FRMD3: variants seen among roughly 807,000 people sequenced by gnomAD.
The protein encoded by FRMD3 is FERM domain-containing protein 3.
Under a neutral mutation model 70.2 loss-of-function variants are expected in FRMD3, and 33 were observed. That is an observed-to-expected ratio of 0.47 (90% CI 0.36 to 0.63). The LOEUF (loss-of-function observed/expected upper bound fraction) is 0.63, where lower values mean the gene tolerates loss of function less well. Ranked by LOEUF, FRMD3 falls within the 20% of genes least tolerant of loss-of-function variation. The pLI is 0.00. For missense variants in FRMD3, 632 were observed against 711.4 expected (o/e 0.89, Z 1.27); for synonymous variants, 279 against 255.9 (o/e 1.09, Z -0.86).
At chr9:83,421,678 C>A (rs1826648575) in intron 1 of FRMD3, among the ~76,000 whole-genome samples, 1 of 152,194 alleles carries the variant, frequency 6.6e-6, no homozygotes, top group Non-Finnish European at 1.5e-5. Flanking sequence ...GGTAAACATT[C>A]TTGCCCTCTC....
Position 83,263,075 on chromosome 9 carries a change from A to T in FRMD3, c.1196-14559T>A, listed in dbSNP as rs996061557. Among the ~76,000 whole-genome samples the T allele has an allele frequency of 2.6e-5, 4 of 152,218 alleles. No individual in the cohort carries two copies. The East Asian group carries it at 7.7e-4, about 29-fold the overall frequency. ...CATCCTGGAATGGTACAGACTCCTT[A>T]TCTGTTGACATTGTTGTAACTGAAA... On this transcript the variant is annotated intron_variant, in intron 13 of 13. Transcript: ENST00000304195.
In FRMD3 at chr9:83,297,268, A is replaced by C. The variant is rs199655572; in HGVS notation, c.1070+1480T>G. ...ATCAAATATTTGAGCTTCAACCTGG[A>C]AGAATAAAATGCATGCTGAACCACT... On this transcript the variant is annotated intron_variant, in intron 12 of 13. Transcript: ENST00000304195. 3.9e-5 allele frequency among the ~76,000 whole-genome samples: 6 copies of C among 152,296 alleles called. No individual in the cohort carries two copies. In the East Asian group the frequency reaches 1.2e-3, roughly 29 times the overall value.
chr9:83,416,767 C>G (rs899337929), intron 1 of FRMD3, among the ~76,000 whole-genome samples: 136 of 121,150 alleles, frequency 1.1e-3, no homozygotes, highest in African/African-American at 4.5e-3. Context: ...CTCTCTCTCT[C>G]TCTCTCTCTC....
chr9:83,475,182 G>A (rs7863851), intron 1 of FRMD3, among the ~76,000 whole-genome samples: 3 of 152,064 alleles, frequency 2.0e-5, no homozygotes, highest in African/African-American at 7.2e-5. Flanking sequence ...AGATTCACAG[G>A]TGATCTAGAT....
intron 12 of FRMD3, among the ~76,000 whole-genome samples, chr9:83,293,691 G>A (rs1300419418): frequency 6.6e-6 from 1 of 152,194 alleles, no homozygotes; most frequent in Non-Finnish European, 1.5e-5. Context: ...AGATGGCCAG[G>A]AGGATGCCAG....
At chr9:83,319,190 TTTAA>T (rs1365176796) in intron 6 of FRMD3, among the ~76,000 whole-genome samples, 2 of 152,200 alleles carry the variant, frequency 1.3e-5, no homozygotes, top group South Asian at 2.1e-4. Context: ...TGCATTTTAG[TTTAA>T]TTAAGTCCCA....
At chr9:83,480,423 T>C (rs1828539907) in intron 1 of FRMD3, among the ~76,000 whole-genome samples, 2 of 151,596 alleles carry the variant, frequency 1.3e-5, no homozygotes, top group South Asian at 2.1e-4. Flanking sequence ...TAAAAATATA[T>C]AAATAAAAAA....
chr9:83,376,665 G>T (rs919021839), intron 2 of FRMD3, among the ~76,000 whole-genome samples: 2 of 145,022 alleles, frequency 1.4e-5, no homozygotes, highest in Admixed American at 7.1e-5. Flanking sequence ...TGTCTCAAAA[G>T]CCTGGGCTCA....
intron 13 of FRMD3, among the ~76,000 whole-genome samples, chr9:83,264,947 G>A (rs1422575521): frequency 2.0e-5 from 3 of 151,962 alleles, no homozygotes; most frequent in Admixed American, 1.3e-4. Flanking sequence ...GTTATTATCA[G>A]CAATTTCATA....
At position 83,248,176 on chromosome 9, in the gene FRMD3, A is replaced by G. The variant is rs10114696; in HGVS notation, c.1536T>C (p.Tyr512=). The change falls in exon 14 of 14, where the codon TAT becomes TAC. Residue 512 remains tyrosine, a synonymous_variant. Transcript: ENST00000304195. ...KEARRALSWS[Y]DILTGHIRVN... The stretch of plus-strand genomic sequence containing the variant: ...CCCGAATATGGCCAGTCAGAATGTC[A>G]TAGCTCCACGACAAAGCACGGCGAG... 620,178 of 1,614,012 alleles carry G rather than the reference A, an allele frequency of 0.38. 122,754 individuals carry two copies. Among genetic ancestry groups the G allele is most frequent in the Middle Eastern group, 0.44 (2,694 of 6,062 alleles).
chr9:83,389,597 C>A lies in FRMD3; in HGVS notation c.252+7G>T. 6.3e-7 allele frequency: 1 copy of A among 1,597,344 alleles called. No homozygotes were observed. Among genetic ancestry groups the A allele is most frequent in the Non-Finnish European group, 8.6e-7 (1 of 1,164,782 alleles). ...GAAAATGGCTCCAGATAGAAATCAG[C>A]TCTTACCCTTTGCTTCTCTGGGTCC... is the stretch of plus-strand genomic sequence containing the variant. On this transcript the variant is annotated splice_region_variant and intron_variant, in intron 2 of 13. Transcript: ENST00000304195.
chr9:83,436,342 GACAGGCTTT>G (rs1432518054), intron 1 of FRMD3, among the ~76,000 whole-genome samples: 2 of 151,994 alleles, frequency 1.3e-5, no homozygotes, highest in African/African-American at 4.8e-5. Context: ...CTGTCTGCAC[GACAGGCTTT>G]ACAAAGGGCT....
chr9:83,466,667 G>A (rs1458026505), intron 1 of FRMD3, among the ~76,000 whole-genome samples: 2 of 152,154 alleles, frequency 1.3e-5, no homozygotes, highest in Non-Finnish European at 2.9e-5. Context: ...CAAATAATGA[G>A]AGCTGGAAAC....
At chr9:83,551,238 T>C in the FRMD3 span, among the ~76,000 whole-genome samples, 1 of 152,188 alleles carries the variant, frequency 6.6e-6, no homozygotes, top group African/African-American at 2.4e-5. Flanking sequence ...GATAATCATA[T>C]GGTTTTTGCT....
At chr9:83,422,699 C>T (rs1046725677) in intron 1 of FRMD3, among the ~76,000 whole-genome samples, 10 of 152,104 alleles carry the variant, frequency 6.6e-5, no homozygotes, top group Admixed American at 2.0e-4. Context: ...GTGACTCCAG[C>T]CAGAACAGAT....
At chr9:83,567,807 T>C in the FRMD3 span, among the ~76,000 whole-genome samples, 1 of 152,210 alleles carries the variant, frequency 6.6e-6, no homozygotes, top group Non-Finnish European at 1.5e-5. Context: ...TTCATATCAC[T>C]ATCAGCATTT....
chr9:83,281,902 A>G (rs900834488), intron 13 of FRMD3, among the ~76,000 whole-genome samples: 1 of 152,192 alleles, frequency 6.6e-6, no homozygotes, highest in African/African-American at 2.4e-5. Context: ...TGTCCCGTAT[A>G]CACACGAGCT....
chr9:83,395,037 A>G (rs1424398495), intron 1 of FRMD3, among the ~76,000 whole-genome samples: 2 of 152,216 alleles, frequency 1.3e-5, no homozygotes, highest in East Asian at 3.8e-4. Context: ...AGGGATTATA[A>G]ATAAGCAAAG....
Position 83,516,403 on chromosome 9 carries a change from A to C in FRMD3, c.147+21682T>G, listed in dbSNP as rs533594682. On this transcript the variant is annotated intron_variant, in intron 1 of 13. Transcript: ENST00000304195. ...GCATTACATAATGGTAAAGGGATCA[A>C]TGCAACAAGAAGAGTTAACTATGCT... Among the ~76,000 whole-genome samples, 77 of 152,356 alleles carry C rather than the reference A, an allele frequency of 5.1e-4. 2 individuals are homozygous for C. The Middle Eastern group carries it at 0.01, about 20-fold the overall frequency.
Sources: allele counts gnomAD v4.1 joint callset (sites outside exome capture counted in the v4.1 genomes callset), GRCh38; gene constraint gnomAD v4.1.1; transcripts MANE v1.5; gene names NCBI Gene and HGNC (gene_info 2026-07-23, HGNC 2026-07-21).